Variants in NCOA7 observed in about 807,000 individuals in gnomAD.
NCOA7 encodes the protein nuclear receptor coactivator 7.
NCOA7 carries 45 observed loss-of-function variants against 104.3 expected under a neutral mutation model. The ratio of observed to expected loss-of-function variants is 0.43; its 90% CI spans 0.34 to 0.55. The LOEUF (loss-of-function observed/expected upper bound fraction) is 0.55, where lower values mean the gene tolerates loss of function less well. Among genes scored for constraint, NCOA7 ranks in the 20% least tolerant of loss-of-function variants. The pLI is 0.02. For synonymous variants in NCOA7, 398 were observed against 402.3 expected, an observed-to-expected ratio of 0.99 and a Z score of 0.13; for missense variants, 1,041 against 1,119.7, an observed-to-expected ratio of 0.93 and a Z score of 1.00.
chr6:125,850,095 A>G (rs1451821368), intron 2 of NCOA7, among the ~76,000 whole-genome samples: 1 of 152,228 alleles, frequency 6.6e-6, no homozygotes, highest in Non-Finnish European at 1.5e-5. Context: ...TGAAAGATTA[A>G]AGCCCTGAAA....
intron 3 of NCOA7, among the ~76,000 whole-genome samples, chr6:125,871,986 G>GT (rs1362611890): frequency 1.5e-5 from 2 of 134,832 alleles, no homozygotes; most frequent in African/African-American, 5.9e-5. Context: ...GACAGAGGGA[G>GT]ACCCTGTCTC....
intron 10 of NCOA7, among the ~76,000 whole-genome samples, chr6:125,898,620 A>T (rs1055188220): frequency 1.3e-5 from 2 of 151,484 alleles, no homozygotes; most frequent in African/African-American, 4.8e-5. Flanking sequence ...ATAATCTTCT[A>T]AAAAAAAACT....
chr6:125,781,495 T>G (rs1774225772), intron 1 of NCOA7: 1 of 152,168 alleles, frequency 6.6e-6, no homozygotes, highest in East Asian at 1.9e-4. Context: ...AAGGGGTTAT[T>G]AAGATAATAA....
intron 2 of NCOA7, among the ~76,000 whole-genome samples, chr6:125,831,388 T>A (rs74932095): frequency 0.011 from 1,627 of 152,304 alleles, 22 homozygotes; most frequent in East Asian, 0.035. Context: ...CACAAATGAT[T>A]AATGAGCTAT....
chr6:125,904,302 G>A (rs1256438769), intron 10 of NCOA7, among the ~76,000 whole-genome samples: 1 of 152,132 alleles, frequency 6.6e-6, no homozygotes, highest in Non-Finnish European at 1.5e-5. Flanking sequence ...CTCAGCTGTT[G>A]TGTTGGCACT....
chr6:125,860,644 C>T (rs541593672), intron 3 of NCOA7, among the ~76,000 whole-genome samples: 2 of 152,190 alleles, frequency 1.3e-5, no homozygotes, highest in East Asian at 3.9e-4. Flanking sequence ...CACAGCACCC[C>T]GCCCGGATCC....
intron 1 of NCOA7, among the ~76,000 whole-genome samples, chr6:125,814,684 G>C (rs372072841): frequency 6.6e-6 from 1 of 152,148 alleles, no homozygotes; most frequent in Non-Finnish European, 1.5e-5. Context: ...GCTGGCAAGC[G>C]TGGGTGAGGG....
intron 2 of NCOA7, among the ~76,000 whole-genome samples, chr6:125,847,330 A>C (rs1780708006): frequency 6.6e-6 from 1 of 152,214 alleles, no homozygotes; most frequent in Admixed American, 6.5e-5. Context: ...TAGAGTAACC[A>C]CTAGGACATG....
intron 2 of NCOA7, among the ~76,000 whole-genome samples, chr6:125,817,400 T>G (rs973742613): frequency 6.6e-6 from 1 of 152,254 alleles, no homozygotes; most frequent in Non-Finnish European, 1.5e-5. Flanking sequence ...GTCTGAGTAA[T>G]CCAGTTTGTC....
At position 125,878,315 on chromosome 6, in the gene NCOA7, C is replaced by A; in HGVS notation, c.404C>A (p.Pro135His). 6.2e-7 allele frequency: 1 copy of A among 1,612,684 alleles called. No homozygotes were observed. ...NSIALKFNIT[P>H]NKLVELNKLF... ...ATAGCACTGAAATTTAACATCACTC[C>A]CAATAAATTGGTGGAACTGAATAAA... Residue 135 changes from proline to histidine, a missense_variant, in exon 5 of 16, where the codon CCC becomes CAC. Transcript: ENST00000392477.
chr6:125,921,542 G>A (rs111547269), intron 12 of NCOA7, among the ~76,000 whole-genome samples: 18 of 152,248 alleles, frequency 1.2e-4, no homozygotes, highest in East Asian at 3.9e-4. Flanking sequence ...CTGAAAAGTC[G>A]CATTCCCTGC....
At chr6:125,803,392 A>G (rs1776100711) in intron 1 of NCOA7, among the ~76,000 whole-genome samples, 4 of 152,172 alleles carry the variant, frequency 2.6e-5, no homozygotes, top group Admixed American at 1.3e-4. Flanking sequence ...GGTCCTTTTT[A>G]TAGTCACAGG....
At position 125,921,052 on chromosome 6, in the gene NCOA7, A is replaced by G; in HGVS notation, c.2354A>G (p.Asn785Ser). 6.2e-7 allele frequency: 1 copy of G among 1,613,302 alleles called. No homozygotes were observed. Among genetic ancestry groups the G allele is most frequent in the Non-Finnish European group, 8.5e-7 (1 of 1,179,548 alleles). The stretch of plus-strand genomic sequence containing the variant: ...CGGCCCCACAGCGCGCTCCTGGAGA[A>G]TATGCACATCGAGCAGGTGGGCTCG... ...VLRPHSALLE[N>S]MHIEQLARRL... Residue 785 changes from asparagine (N) to serine (S), a missense_variant, in exon 12 of 16, where the codon AAT becomes AGT. Asn to Ser is a conservative substitution (Grantham distance 46, BLOSUM62 1). Coordinates refer to ENST00000392477, the MANE Select transcript of NCOA7 (RefSeq NM_181782.5).
intron 3 of NCOA7, among the ~76,000 whole-genome samples, chr6:125,855,895 G>A (rs1781512083): frequency 6.6e-6 from 1 of 152,082 alleles, no homozygotes; most frequent in Non-Finnish European, 1.5e-5. Flanking sequence ...ATGTTGAGCA[G>A]GCTGGTCTTG....
intron 13 of NCOA7, among the ~76,000 whole-genome samples, chr6:125,924,451 G>A (rs1324643408): frequency 2.6e-5 from 4 of 152,202 alleles, no homozygotes; most frequent in African/African-American, 7.2e-5. Context: ...CATCTACCCC[G>A]AAGGGGAAAC....
At chr6:125,787,343 G>A (rs540748678), upstream of NCOA7, among the ~76,000 whole-genome samples, 11 of 152,050 alleles carry the variant, frequency 7.2e-5, no homozygotes, top group Non-Finnish European at 1.2e-4. Context: ...GAAAAATACC[G>A]AACACATTTG....
chr6:125,866,241 A>C (rs1384585900), intron 3 of NCOA7, among the ~76,000 whole-genome samples: 1 of 152,040 alleles, frequency 6.6e-6, no homozygotes, highest in African/African-American at 2.4e-5. Flanking sequence ...AGGCAGGAGA[A>C]TCGCTTGAAC....
At chr6:125,896,198 T>G (rs1785006402) in intron 10 of NCOA7, among the ~76,000 whole-genome samples, 1 of 151,936 alleles carries the variant, frequency 6.6e-6, no homozygotes, top group Non-Finnish European at 1.5e-5. Flanking sequence ...ATCTGTAAAA[T>G]CCTTCAGGGA....
upstream of NCOA7, among the ~76,000 whole-genome samples, chr6:125,789,907 G>C (rs1774672779): frequency 6.6e-6 from 1 of 152,224 alleles, no homozygotes; most frequent in Admixed American, 6.5e-5. Flanking sequence ...GCGTATAAGA[G>C]TGAATGAACT....
Sources: gnomAD v4.1 joint callset for allele counts (sites outside exome capture counted in the v4.1 genomes callset) on GRCh38, gnomAD v4.1.1 for gene constraint, MANE v1.5 for transcripts, NCBI Gene and HGNC (gene_info 2026-07-23, HGNC 2026-07-21) for gene names.